Variants in ARL15 observed in about 807,000 individuals in gnomAD.
ARL15 encodes ARF like GTPase 15.
A neutral mutation model predicts 25.2 loss-of-function variants in ARL15; 19 were observed. That is an observed-to-expected ratio of 0.75 (90% confidence interval 0.53 to 1.10). The LOEUF (loss-of-function observed/expected upper bound fraction) is 1.10, where lower values mean the gene tolerates loss of function less well. Among genes scored for constraint, ARL15 ranks in the 50% least tolerant of loss-of-function variants. The pLI is 0.00. For synonymous variants in ARL15, 94 were observed against 86.8 expected (o/e 1.08, Z -0.46); for missense variants, 220 against 246.0 (o/e 0.89, Z 0.71).
chr5:54,065,737 C>T (rs1208889005), intron 4 of ARL15, among the ~76,000 whole-genome samples: 2 of 152,014 alleles, frequency 1.3e-5, no homozygotes, highest in African/African-American at 2.4e-5. Context: ...TTGAGATGTG[C>T]TATATGCATA....
intron 1 of ARL15, among the ~76,000 whole-genome samples, 153 bp from the exon 2 acceptor site, chr5:54,172,081 G>A (rs1480231171): frequency 1.3e-5 from 2 of 152,190 alleles, no homozygotes; most frequent in Non-Finnish European, 1.5e-5. Context: ...AGTGAAACCT[G>A]GAGACACCAC....
At chr5:53,926,270 C>G (rs1368174571) in intron 4 of ARL15, among the ~76,000 whole-genome samples, 1 of 152,040 alleles carries the variant, frequency 6.6e-6, no homozygotes, top group Non-Finnish European at 1.5e-5. Flanking sequence ...CAGGAGGTGT[C>G]TTTACTAGAT....
intron 4 of ARL15, among the ~76,000 whole-genome samples, chr5:53,990,681 A>G (rs1309734229): frequency 6.6e-6 from 1 of 152,216 alleles, no homozygotes; most frequent in African/African-American, 2.4e-5. Context: ...GTTTAAAACC[A>G]AAGTTGTGTT....
chr5:54,066,922 G>A (rs1241907858), intron 4 of ARL15, among the ~76,000 whole-genome samples: 2 of 152,174 alleles, frequency 1.3e-5, no homozygotes, highest in African/African-American at 4.8e-5. Context: ...GGGGGTAGGT[G>A]CTGGGTAATA....
chr5:54,239,333 A>G (rs1301925499), intron 1 of ARL15, among the ~76,000 whole-genome samples: 1 of 152,128 alleles, frequency 6.6e-6, no homozygotes, highest in Admixed American at 6.5e-5. Context: ...TCTGAAGTAA[A>G]ATATTGGTAT....
chr5:54,259,625 C>A (rs1327431765), intron 1 of ARL15, among the ~76,000 whole-genome samples: 1 of 152,070 alleles, frequency 6.6e-6, no homozygotes, highest in African/African-American at 2.4e-5. Flanking sequence ...ACCCAAAAAT[C>A]AACAATATCT....
At position 54,267,809 on chromosome 5, in the gene ARL15, C is replaced by T. The variant is rs1016840444; in HGVS notation, c.48+42623G>A. 7.2e-5 allele frequency among the ~76,000 whole-genome samples: 11 copies of T among 152,122 alleles called. No individual in the cohort carries two copies. In the East Asian group the frequency reaches 1.9e-3, roughly 27 times the overall value. On this transcript the variant is annotated intron_variant, in intron 1 of 4. Transcript: ENST00000504924. ...TGAATATTGGCCCCCACTCTCTTCTCGCTTGTAGAGTTTCTGCCGAGAGAT... is the reference window on the plus strand; with the variant it reads ...TGAATATTGGCCCCCACTCTCTTCTTGCTTGTAGAGTTTCTGCCGAGAGAT...
chr5:54,082,655 CT>C (rs1751839962), intron 4 of ARL15, among the ~76,000 whole-genome samples: 1 of 152,124 alleles, frequency 6.6e-6, no homozygotes, highest in African/African-American at 2.4e-5. Flanking sequence ...CTTGGCTCTC[CT>C]TTTTTTCTGT....
chr5:54,109,268 T>C (rs1184464023), intron 4 of ARL15, among the ~76,000 whole-genome samples: 1 of 152,022 alleles, frequency 6.6e-6, no homozygotes, highest in African/African-American at 2.4e-5. Flanking sequence ...ATTTCTCAAT[T>C]AGTATTTGCT....
intron 4 of ARL15, among the ~76,000 whole-genome samples, chr5:54,006,300 C>T (rs1159739776): frequency 1.3e-5 from 2 of 152,138 alleles, no homozygotes; most frequent in East Asian, 1.9e-4. Context: ...GTCTGAAAAG[C>T]CACACCAGAA....
At chr5:53,887,584 A>C (rs1044954153) in intron 4 of ARL15, among the ~76,000 whole-genome samples, 1 of 152,222 alleles carries the variant, frequency 6.6e-6, no homozygotes, top group Admixed American at 6.5e-5. Flanking sequence ...AAGGTATCAT[A>C]AAACACAAAG....
chr5:53,905,977 C>T (rs1745239089), intron 4 of ARL15, among the ~76,000 whole-genome samples: 1 of 152,148 alleles, frequency 6.6e-6, no homozygotes, highest in Non-Finnish European at 1.5e-5. Context: ...TGCCTAGTCA[C>T]AGCATCTAAT....
chr5:54,121,894 C>T lies in ARL15; in HGVS notation c.254-8484G>A, dbSNP rs147846750. Reference sequence around the variant, plus strand: ...TTTTTCACACAGTACGTAGAATATGCTAACTGTTCACAAGTGTTAACTGTC... The same window carrying T: ...TTTTTCACACAGTACGTAGAATATGTTAACTGTTCACAAGTGTTAACTGTC... On this transcript the variant is annotated intron_variant, in intron 3 of 4. Transcript: ENST00000504924. Among the ~76,000 whole-genome samples the T allele has an allele frequency of 4.3e-4, 66 of 152,264 alleles. No individual in the cohort carries two copies. In the East Asian group the frequency reaches 0.01, roughly 24 times the overall value.
intron 4 of ARL15, among the ~76,000 whole-genome samples, chr5:53,958,652 A>G (rs1747252763): frequency 6.6e-6 from 1 of 152,200 alleles, no homozygotes; most frequent in African/African-American, 2.4e-5. Flanking sequence ...TCAGGATCCA[A>G]CCATATACTG....
At chr5:54,042,299 GGGCTACCATA>G (rs1750367920) in intron 4 of ARL15, among the ~76,000 whole-genome samples, 1 of 152,040 alleles carries the variant, frequency 6.6e-6, no homozygotes, top group African/African-American at 2.4e-5. Flanking sequence ...AATGTAATTA[GGGCTACCATA>G]AAATAAAGGG....
intron 4 of ARL15, among the ~76,000 whole-genome samples, chr5:54,102,321 C>T (rs1487119261): frequency 1.3e-5 from 2 of 151,928 alleles, no homozygotes; most frequent in Non-Finnish European, 2.9e-5. Flanking sequence ...CTAATAAATA[C>T]CACTTTAAAT....
At chr5:54,156,828 C>T (rs924756288) in intron 2 of ARL15, among the ~76,000 whole-genome samples, 3 of 152,174 alleles carry the variant, frequency 2.0e-5, no homozygotes, top group Non-Finnish European at 2.9e-5. Flanking sequence ...AGGAGGCAGT[C>T]CCATGTGGCT....
chr5:53,931,173 ATAT>A (rs1343804226), intron 4 of ARL15, among the ~76,000 whole-genome samples: 1 of 152,198 alleles, frequency 6.6e-6, no homozygotes, highest in Non-Finnish European at 1.5e-5. Flanking sequence ...AACAGCATAT[ATAT>A]TATTATGAAA....
intron 4 of ARL15, among the ~76,000 whole-genome samples, chr5:53,902,342 A>T (rs1745095906): frequency 6.6e-6 from 1 of 152,234 alleles, no homozygotes; most frequent in Non-Finnish European, 1.5e-5. Flanking sequence ...AACTACTGTC[A>T]ATTGGCCAAC....
Sources: allele counts gnomAD v4.1 joint callset (sites outside exome capture counted in the v4.1 genomes callset), GRCh38; gene constraint gnomAD v4.1.1; transcripts MANE v1.5; gene names NCBI Gene and HGNC (gene_info 2026-07-23, HGNC 2026-07-21).